ABTB3: variants seen among roughly 807,000 people sequenced by gnomAD.
ABTB3 encodes the protein ankyrin repeat and BTB domain containing 3.
the ABTB3 span, among the ~76,000 whole-genome samples, chr12:107,526,001 G>A: frequency 1.4e-4 from 22 of 152,094 alleles, no homozygotes; most frequent in African/African-American, 5.1e-4. Flanking sequence ...CCTCTGCTGT[G>A]CTGTGTGCAA....
chr12:107,551,284 A>G, the ABTB3 span, among the ~76,000 whole-genome samples: 36 of 152,278 alleles, frequency 2.4e-4, no homozygotes, highest in South Asian at 2.5e-3. Flanking sequence ...GAGATATTAG[A>G]TCTGTTTTCT....
chr12:107,433,783 C>T, the ABTB3 span, among the ~76,000 whole-genome samples: 1 of 152,148 alleles, frequency 6.6e-6, no homozygotes, highest in Non-Finnish European at 1.5e-5. Context: ...TCTGTTCTGG[C>T]CGCTATAACA....
the ABTB3 span, among the ~76,000 whole-genome samples, chr12:107,373,608 C>T: frequency 0.3 from 45,491 of 152,098 alleles, 8,756 homozygotes; most frequent in African/African-American, 0.55. Context: ...CTGACCCCTG[C>T]TTGCCTTTCC....
At chr12:107,434,716 T>G in the ABTB3 span, among the ~76,000 whole-genome samples, 1 of 151,838 alleles carries the variant, frequency 6.6e-6, no homozygotes, top group African/African-American at 2.4e-5. Context: ...ATTAAAAAAT[T>G]AGCAGGTCAT....
the ABTB3 span, among the ~76,000 whole-genome samples, chr12:107,387,500 T>C: frequency 1.3e-5 from 2 of 152,202 alleles, no homozygotes; most frequent in South Asian, 4.1e-4. Context: ...TTTGCCAGCT[T>C]GTAGATGACT....
the ABTB3 span, among the ~76,000 whole-genome samples, chr12:107,567,235 T>C: frequency 6.6e-6 from 1 of 152,380 alleles, no homozygotes; most frequent in Middle Eastern, 3.4e-3. Flanking sequence ...CAGCATTCAT[T>C]ATATAAAAGT....
At chr12:107,573,738 T>C in the ABTB3 span, among the ~76,000 whole-genome samples, 3 of 152,174 alleles carry the variant, frequency 2.0e-5, no homozygotes, top group African/African-American at 7.2e-5. Context: ...GCAGCTCAAG[T>C]TCAAATGTAT....
the ABTB3 span, among the ~76,000 whole-genome samples, chr12:107,655,668 T>C: frequency 6.6e-6 from 1 of 152,164 alleles, no homozygotes; most frequent in Non-Finnish European, 1.5e-5. Context: ...CTGTATTACA[T>C]CTAACCGTTT....
At chr12:107,452,202 ATTTT>A in the ABTB3 span, among the ~76,000 whole-genome samples, 1 of 110,200 alleles carries the variant, frequency 9.1e-6, no homozygotes. Flanking sequence ...GCCCATATGA[ATTTT>A]TTTTTTTTTT....
the ABTB3 span, among the ~76,000 whole-genome samples, chr12:107,439,389 T>A: frequency 6.6e-6 from 1 of 152,160 alleles, no homozygotes. Context: ...CATCTACAGG[T>A]CAGAAATCTC....
the ABTB3 span, among the ~76,000 whole-genome samples, chr12:107,633,317 T>G: frequency 3.3e-5 from 5 of 152,210 alleles, no homozygotes; most frequent in African/African-American, 9.6e-5. Flanking sequence ...GCGGGCACGC[T>G]GATCTTAGAC....
the ABTB3 span, among the ~76,000 whole-genome samples, chr12:107,460,712 G>A: frequency 1.3e-5 from 2 of 152,174 alleles, no homozygotes; most frequent in Admixed American, 1.3e-4. Context: ...GGGCCACGGT[G>A]TTGCTTCTCT....
At chr12:107,380,929 A>G in the ABTB3 span, among the ~76,000 whole-genome samples, 1 of 152,208 alleles carries the variant, frequency 6.6e-6, no homozygotes, top group African/African-American at 2.4e-5. Context: ...ATATTATACT[A>G]TATATTCAGT....
chr12:107,545,937 G>A, the ABTB3 span, among the ~76,000 whole-genome samples: 38 of 152,234 alleles, frequency 2.5e-4, no homozygotes, highest in Middle Eastern at 3.4e-3. Context: ...AGATGAGTCC[G>A]TCTCCCCGCT....
At chr12:107,448,828 C>T in the ABTB3 span, among the ~76,000 whole-genome samples, 1 of 152,156 alleles carries the variant, frequency 6.6e-6, no homozygotes, top group African/African-American at 2.4e-5. Flanking sequence ...GCCTCGTCCT[C>T]CCAAAGTGCT....
chr12:107,499,788 C>A, the ABTB3 span, among the ~76,000 whole-genome samples: 1 of 151,642 alleles, frequency 6.6e-6, no homozygotes, highest in Non-Finnish European at 1.5e-5. Flanking sequence ...CAGGTTCAAG[C>A]GATTCTCCTG....
the ABTB3 span, among the ~76,000 whole-genome samples, chr12:107,530,667 A>T: frequency 3.3e-5 from 5 of 152,234 alleles, no homozygotes; most frequent in African/African-American, 1.2e-4. Flanking sequence ...TTGCAGTTCT[A>T]TGTAATCATC....
the ABTB3 span, among the ~76,000 whole-genome samples, chr12:107,440,162 C>A: frequency 6.6e-6 from 1 of 152,206 alleles, no homozygotes; most frequent in African/African-American, 2.4e-5. Flanking sequence ...TTCATCACTG[C>A]GGTCAGCATC....
At chr12:107,359,791 C>T in the ABTB3 span, among the ~76,000 whole-genome samples, 1 of 152,042 alleles carries the variant, frequency 6.6e-6, no homozygotes, top group Admixed American at 6.5e-5. Context: ...AGTAACTTGC[C>T]CAAGACTGGG....
Sources: allele counts gnomAD v4.1 joint callset (sites outside exome capture counted in the v4.1 genomes callset), GRCh38; gene constraint gnomAD v4.1.1; transcripts MANE v1.5; gene names NCBI Gene and HGNC (gene_info 2026-07-23, HGNC 2026-07-21).